PTAFR: variants seen among roughly 807,000 people sequenced by gnomAD.
PTAFR encodes the protein platelet-activating factor receptor.
PTAFR carries 8 observed loss-of-function variants against 14.7 expected under a neutral mutation model. The observed-to-expected ratio is 0.54, with a 90% CI of 0.32 to 0.98. The LOEUF (loss-of-function observed/expected upper bound fraction) is 0.98, where lower values mean the gene tolerates loss of function less well. Among genes scored for constraint, PTAFR ranks in the 50% least tolerant of loss-of-function variants. The pLI is 0.04. For synonymous variants in PTAFR, 156 were observed against 176.5 expected, an observed-to-expected ratio of 0.88 and a Z score of 0.92; for missense variants, 337 against 451.2, an observed-to-expected ratio of 0.75 and a Z score of 2.29.
At chr1:28,189,647 G>A (rs1331502510) in intron 1 of PTAFR, among the ~76,000 whole-genome samples, 4 of 151,486 alleles carry the variant, frequency 2.6e-5, no homozygotes, top group African/African-American at 4.8e-5. Flanking sequence ...AACATAATGC[G>A]ATACTAAAAA....
intron 1 of PTAFR, among the ~76,000 whole-genome samples, chr1:28,182,988 A>AT (rs1349774944): frequency 6.6e-6 from 1 of 151,760 alleles, no homozygotes; most frequent in Non-Finnish European, 1.5e-5. Context: ...GTGGTTTTCA[A>AT]TTTTTTATAA....
At chr1:28,182,239 G>T (rs1646568513) in intron 1 of PTAFR, among the ~76,000 whole-genome samples, 1 of 152,070 alleles carries the variant, frequency 6.6e-6, no homozygotes, top group Non-Finnish European at 1.5e-5. Flanking sequence ...AGGAGGGTGA[G>T]GCAGGAGAAT....
chr1:28,160,089 C>T (rs144319366), intron 1 of PTAFR, among the ~76,000 whole-genome samples: 3,192 of 151,610 alleles, frequency 0.021, 111 homozygotes, highest in African/African-American at 0.072. Flanking sequence ...GTGGTGCACA[C>T]CTCTAGTCCC....
At chr1:28,193,263 G>A (rs147573888) in intron 1 of PTAFR, among the ~76,000 whole-genome samples, 30 of 152,202 alleles carry the variant, frequency 2.0e-4, no homozygotes, top group Middle Eastern at 3.4e-3. Context: ...CTTCCGGGTT[G>A]GGGTGTGGAT....
intron 1 of PTAFR, among the ~76,000 whole-genome samples, chr1:28,160,947 A>C (rs1646316738): frequency 6.6e-6 from 1 of 152,184 alleles, no homozygotes; most frequent in Non-Finnish European, 1.5e-5. Context: ...GTATCTTTGC[A>C]TGAGTAGAAC....
chr1:28,153,510 C>T (rs375372245), intron 1 of PTAFR, among the ~76,000 whole-genome samples: 1 of 149,642 alleles, frequency 6.7e-6, no homozygotes, highest in African/African-American at 2.5e-5. Context: ...CTTTGGGAGG[C>T]CAAGGCAGAC....
chr1:28,183,703 T>C (rs966269640), intron 1 of PTAFR, among the ~76,000 whole-genome samples: 2 of 152,130 alleles, frequency 1.3e-5, no homozygotes, highest in African/African-American at 4.8e-5. Flanking sequence ...TTTTGCCCTC[T>C]AGTGAAACCC....
intron 1 of PTAFR, among the ~76,000 whole-genome samples, chr1:28,152,340 G>T (rs951704269): frequency 6.6e-6 from 1 of 151,474 alleles, no homozygotes; most frequent in Non-Finnish European, 1.5e-5. Context: ...GATGGCTTAC[G>T]CCTGTAATCC....
At chr1:28,164,446 G>A (rs1280530691) in intron 1 of PTAFR, among the ~76,000 whole-genome samples, 3 of 152,106 alleles carry the variant, frequency 2.0e-5, no homozygotes, top group Admixed American at 1.3e-4. Flanking sequence ...CACTCTCTTG[G>A]ATCCAAGTAC....
chr1:28,150,332 C>A lies in PTAFR; in HGVS notation c.690G>T (p.Ala230=), dbSNP rs568828881. The stretch of plus-strand genomic sequence containing the variant: ...CCAAGACCGTGCACACCATCCACAG[C>A]GCCCGGCGCTTGACTTCAGCGTTGC... ...QQRNAEVKRR[A]LWMVCTVLAV... Residue 230 remains alanine, a synonymous_variant, in exon 2 of 2, where the codon GCG becomes GCT. Coordinates refer to ENST00000373857, the MANE Select transcript of PTAFR (RefSeq NM_000952.5). This position sits in a 1 kb window ranked among gnomAD's most constrained non-coding sequence, Gnocchi z 6.3. The A allele has an allele frequency of 6.2e-7, 1 of 1,613,784 alleles. No homozygotes were observed. The highest frequency in any genetic ancestry group is 1.3e-5 in the African/African-American group (1 of 74,944).
At chr1:28,193,341 T>C (rs905909) in intron 1 of PTAFR, among the ~76,000 whole-genome samples, 53,696 of 151,776 alleles carry the variant, frequency 0.35, 10,709 homozygotes, top group African/African-American at 0.54. Context: ...ATCTGCATCA[T>C]GTGAGGCAAT....
chr1:28,167,633 ATT>A (rs780344665), intron 1 of PTAFR, among the ~76,000 whole-genome samples: 146 of 80,214 alleles, frequency 1.8e-3, no homozygotes, highest in African/African-American at 7.1e-3. Flanking sequence ...TGAAAACGGG[ATT>A]TTTTTTTTTT....
upstream of PTAFR, among the ~76,000 whole-genome samples, chr1:28,180,953 TATTG>T (rs1330377522): frequency 6.6e-6 from 1 of 152,100 alleles, no homozygotes; most frequent in Non-Finnish European, 1.5e-5. Flanking sequence ...ATATTTATTT[TATTG>T]ATTGATTGAT....
chr1:28,161,800 A>G (rs1020982525), intron 1 of PTAFR, among the ~76,000 whole-genome samples: 13 of 152,194 alleles, frequency 8.5e-5, no homozygotes, highest in African/African-American at 3.1e-4. Context: ...GTAATTTGGT[A>G]TCTTCAAAGG....
intron 1 of PTAFR, among the ~76,000 whole-genome samples, chr1:28,173,415 G>C (rs968720320): frequency 3.9e-5 from 6 of 151,908 alleles, no homozygotes; most frequent in African/African-American, 1.5e-4. Context: ...AGACTAGCCT[G>C]GGCATCATGT....
At chr1:28,169,956 C>T (rs1474622706) in intron 1 of PTAFR, among the ~76,000 whole-genome samples, 4 of 150,536 alleles carry the variant, frequency 2.7e-5, no homozygotes, top group Non-Finnish European at 4.4e-5. Context: ...GCCAAGATGA[C>T]GCCATTGCAC....
chr1:28,184,082 G>GT (rs1165813776), intron 1 of PTAFR, among the ~76,000 whole-genome samples: 1,435 of 82,356 alleles, frequency 0.017, 310 homozygotes, highest in Non-Finnish European at 0.024. Context: ...CCATTAGTCT[G>GT]TTTTTTTTTT....
upstream of PTAFR, among the ~76,000 whole-genome samples, chr1:28,178,702 C>T (rs151241529): frequency 1.2e-4 from 19 of 152,044 alleles, no homozygotes; most frequent in Admixed American, 3.9e-4. Context: ...ATACACTCAG[C>T]GCCTACTCTC....
chr1:28,187,763 G>A (rs760873981), intron 1 of PTAFR, among the ~76,000 whole-genome samples: 15 of 152,202 alleles, frequency 9.9e-5, no homozygotes, highest in East Asian at 3.9e-4. Flanking sequence ...GATTACGGGC[G>A]TGAGGCACCA....
Sources: allele counts gnomAD v4.1 joint callset (sites outside exome capture counted in the v4.1 genomes callset), GRCh38; gene constraint gnomAD v4.1.1; non-coding constraint Gnocchi (gnomAD v3.1); transcripts MANE v1.5; gene names NCBI Gene and HGNC (gene_info 2026-07-23, HGNC 2026-07-21).